The following AOPEP variants were observed in gnomAD, a reference collection of about 807,000 sequenced individuals.
AOPEP encodes aminopeptidase O (putative), also known as aminopeptidase O.
AOPEP carries 77 observed loss-of-function variants against 98.1 expected under a neutral mutation model. The observed-to-expected ratio is 0.78, with a 90% CI of 0.65 to 0.95. The LOEUF is 0.95. Ranked by LOEUF, AOPEP falls within the 40% of genes least tolerant of loss-of-function variation. AOPEP has a pLI of 0.00. For synonymous variants in AOPEP, 346 were observed against 365.3 expected (o/e 0.95, Z 0.60); for missense variants, 1,024 against 1,024.7 (o/e 1.00, Z 0.01).
intron 13 of AOPEP, among the ~76,000 whole-genome samples, chr9:95,059,776 G>C (rs1385087232): frequency 6.6e-6 from 1 of 152,160 alleles, no homozygotes; most frequent in Non-Finnish European, 1.5e-5. Context: ...GCTCAGCAGA[G>C]AGAACCATGG....
intron 6 of AOPEP, among the ~76,000 whole-genome samples, chr9:94,926,645 C>T (rs2054380912): frequency 6.6e-6 from 1 of 152,150 alleles, no homozygotes; most frequent in South Asian, 2.1e-4. Context: ...CCCTGTGGGG[C>T]AGGGGTGGGT....
At chr9:95,004,759 G>A (rs2061817420) in intron 11 of AOPEP, among the ~76,000 whole-genome samples, 1 of 147,558 alleles carries the variant, frequency 6.8e-6, no homozygotes, top group East Asian at 2.0e-4. Context: ...GCCGGAGCCC[G>A]GGGAGGGGTG....
chr9:94,876,306 A>T (rs1443807821), intron 5 of AOPEP, among the ~76,000 whole-genome samples: 1 of 152,080 alleles, frequency 6.6e-6, no homozygotes, highest in Non-Finnish European at 1.5e-5. Context: ...ACCATTGAGG[A>T]TGCCTGCAGA....
the AOPEP span, chr9:95,107,012 C>T: frequency 5.7e-6 from 9 of 1,584,278 alleles, no homozygotes; most frequent in Admixed American, 3.4e-5. Context: ...GGTAACCCAC[C>T]TCTCGCCTGG....
intron 13 of AOPEP, among the ~76,000 whole-genome samples, chr9:95,042,738 C>A (rs1001764979): frequency 6.6e-6 from 1 of 152,184 alleles, no homozygotes; most frequent in Non-Finnish European, 1.5e-5. Context: ...TTGGTTCTCT[C>A]TCTTGCCTGC....
intron 5 of AOPEP, among the ~76,000 whole-genome samples, chr9:94,868,053 C>T (rs992979974): frequency 8.5e-5 from 13 of 152,202 alleles, no homozygotes; most frequent in Non-Finnish European, 1.8e-4. Flanking sequence ...CAGACAGTGA[C>T]CACCAATTTA....
At chr9:95,106,974 C>T in the AOPEP span, 1 of 1,246,754 alleles carries the variant, frequency 8.0e-7, no homozygotes, top group East Asian at 2.4e-5. Context: ...CTGGTACACA[C>T]ACTGTGCAGA....
At chr9:95,101,311 T>C in the AOPEP span, 1 of 338,892 alleles carries the variant, frequency 3.0e-6, no homozygotes, top group Non-Finnish European at 5.5e-6. Flanking sequence ...CTCTAAATTC[T>C]TTAATGGTTC....
chr9:95,039,214 A>G (rs1429058492), intron 13 of AOPEP, among the ~76,000 whole-genome samples: 2 of 152,188 alleles, frequency 1.3e-5, no homozygotes, highest in Non-Finnish European at 2.9e-5. Context: ...AGAATGGTCC[A>G]AAGAAAAGTA....
At chr9:95,102,870 G>A in the AOPEP span, among the ~76,000 whole-genome samples, 24 of 152,284 alleles carry the variant, frequency 1.6e-4, no homozygotes, top group African/African-American at 4.6e-4. Flanking sequence ...CGCTCTCCTC[G>A]GCCCCCCCTG....
chr9:94,856,309 A>G (rs1184602667), intron 5 of AOPEP, among the ~76,000 whole-genome samples: 3 of 152,090 alleles, frequency 2.0e-5, no homozygotes, highest in Admixed American at 1.3e-4. Context: ...CCAAATAGCT[A>G]TTTACTACCC....
intron 11 of AOPEP, 147 bp downstream of exon 11, chr9:94,979,574 G>T (rs917241672): frequency 1.5e-5 from 9 of 590,170 alleles, no homozygotes; most frequent in Non-Finnish European, 2.8e-5. Flanking sequence ...CAGAACACTA[G>T]TCTCTCCCGC....
chr9:94,783,452 C>G (rs1283337404), intron 3 of AOPEP, among the ~76,000 whole-genome samples: 1 of 152,188 alleles, frequency 6.6e-6, no homozygotes, highest in Non-Finnish European at 1.5e-5. Context: ...CAGTTACAAC[C>G]CTTGAGCAAC....
chr9:94,940,800 C>G (rs568428604), intron 7 of AOPEP, among the ~76,000 whole-genome samples: 1 of 152,172 alleles, frequency 6.6e-6, no homozygotes, highest in African/African-American at 2.4e-5. Flanking sequence ...CAGCCTGGCT[C>G]GTCCCCTCAT....
At chr9:94,908,413 C>T (rs1334247938) in intron 5 of AOPEP, among the ~76,000 whole-genome samples, 1 of 152,178 alleles carries the variant, frequency 6.6e-6, no homozygotes, top group Non-Finnish European at 1.5e-5. Context: ...ACACTATCTC[C>T]TGGGGGATTT....
chr9:95,073,582 C>T (rs967007190), intron 14 of AOPEP, among the ~76,000 whole-genome samples: 4 of 152,124 alleles, frequency 2.6e-5, no homozygotes, highest in Non-Finnish European at 5.9e-5. Context: ...GCAGGCCGGG[C>T]GCGGTGGCTC....
At position 95,005,594 on chromosome 9, in the gene AOPEP, AGAAG is replaced by A; in HGVS notation, c.2098_2101del (p.Glu700ArgfsTer24). The stretch of plus-strand genomic sequence containing the variant: ...AGACCCCGAAAACGGAAGCGCAGGG[AGAAG>A]GAAGAGGTGTTTGAAAAGGTAGGGG... On this transcript the variant is annotated frameshift_variant, in exon 13 of 17. Transcript: ENST00000375315. LOFTEE classifies it high-confidence loss of function. 1.2e-6 allele frequency: 2 copies of A among 1,613,944 alleles called. No individual in the cohort carries two copies. Among genetic ancestry groups the A allele is most frequent in the Admixed American group, 1.7e-5 (1 of 60,014 alleles).
At chr9:94,826,685 T>C (rs909862958) in intron 5 of AOPEP, among the ~76,000 whole-genome samples, 1 of 152,168 alleles carries the variant, frequency 6.6e-6, no homozygotes, top group African/African-American at 2.4e-5. Flanking sequence ...TCTTGATTGA[T>C]GTCATGTGAT....
chr9:95,016,191 A>G (rs889233935), intron 13 of AOPEP, among the ~76,000 whole-genome samples: 2 of 149,160 alleles, frequency 1.3e-5, no homozygotes, highest in Non-Finnish European at 3.0e-5. Flanking sequence ...ATGTTTCAGA[A>G]TTGGGGATGG....
Sources: gnomAD v4.1 joint callset for allele counts (sites outside exome capture counted in the v4.1 genomes callset) on GRCh38, gnomAD v4.1.1 for gene constraint, MANE v1.5 for transcripts, NCBI Gene and HGNC (gene_info 2026-07-23, HGNC 2026-07-21) for gene names.